Variants in RARB observed in about 807,000 individuals in gnomAD.
RARB encodes retinoic acid receptor beta.
Under a neutral mutation model 51.9 loss-of-function variants are expected in RARB, and 17 were observed. The ratio of observed to expected loss-of-function variants is 0.33; its 90% CI spans 0.22 to 0.49. The LOEUF is 0.49. Among genes scored for constraint, RARB ranks in the 20% least tolerant of loss-of-function variants. RARB has a pLI of 0.99. For synonymous variants in RARB, 215 were observed against 195.4 expected (o/e 1.10, Z -0.84); for missense variants, 369 against 550.8 (o/e 0.67, Z 3.30).
rs547806344 is a variant in RARB, at chr3:24,973,850, G to A, written c.-379-86275G>A. On this transcript the variant is annotated intron_variant, in intron 2 of 11. Coordinates refer to the RARB transcript ENST00000383772. ...GTTTATGAGCTCTAACAGTTTTTTG[G>A]TGGAGCCTTTAGATTTTTTAAAATG... Among the ~76,000 whole-genome samples, 3 of 152,048 alleles carry A rather than the reference G, an allele frequency of 2.0e-5. No individual in the cohort carries two copies. In the South Asian group the frequency reaches 6.2e-4, roughly 32 times the overall value.
At chr3:25,021,985 C>T (rs1275768797) in intron 2 of RARB, among the ~76,000 whole-genome samples, 1 of 152,150 alleles carries the variant, frequency 6.6e-6, no homozygotes, top group African/African-American at 2.4e-5. Context: ...TTCCCAATTA[C>T]ATGGAGCTTG....
chr3:25,115,484 A>AG (rs1699669983), intron 3 of RARB, among the ~76,000 whole-genome samples: 1 of 152,168 alleles, frequency 6.6e-6, no homozygotes, highest in African/African-American at 2.4e-5. Context: ...ACCTATGTGA[A>AG]GAAGTAGTCA....
At chr3:25,208,779 G>C (rs1701622546) in intron 5 of RARB, among the ~76,000 whole-genome samples, 2 of 152,126 alleles carry the variant, frequency 1.3e-5, no homozygotes, top group South Asian at 4.1e-4. Context: ...CAAGTTCCCA[G>C]CTGCTGAGCT....
At chr3:25,326,416 A>G (rs1327949883) in intron 5 of RARB, among the ~76,000 whole-genome samples, 1 of 152,258 alleles carries the variant, frequency 6.6e-6, no homozygotes, top group Admixed American at 6.5e-5. Flanking sequence ...ACCTCTGGAA[A>G]GACAAGATGT....
At chr3:25,167,414 A>C (rs1212335922) in intron 4 of RARB, among the ~76,000 whole-genome samples, 2 of 152,208 alleles carry the variant, frequency 1.3e-5, no homozygotes, top group Non-Finnish European at 2.9e-5. Context: ...TGGACAGCAA[A>C]TGTGCAGTGT....
At chr3:25,259,370 G>A (rs1307688516) in intron 5 of RARB, among the ~76,000 whole-genome samples, 1 of 152,054 alleles carries the variant, frequency 6.6e-6, no homozygotes, top group South Asian at 2.1e-4. Context: ...ATGTACTTTT[G>A]TAAATGTAAA....
chr3:25,004,570 A>G (rs1164784650), intron 2 of RARB, among the ~76,000 whole-genome samples: 3 of 152,058 alleles, frequency 2.0e-5, no homozygotes, highest in Non-Finnish European at 4.4e-5. Context: ...TCATGGCCTA[A>G]TCACCTCTTA....
At chr3:25,148,871 G>T (rs1232947032) in intron 4 of RARB, among the ~76,000 whole-genome samples, 1 of 152,120 alleles carries the variant, frequency 6.6e-6, no homozygotes, top group Non-Finnish European at 1.5e-5. Context: ...CCCTGAAAAA[G>T]GTTGTGCATG....
chr3:25,346,641 C>G (rs895442557), intron 5 of RARB, among the ~76,000 whole-genome samples: 12 of 152,152 alleles, frequency 7.9e-5, no homozygotes. Flanking sequence ...TTGTCTCTCA[C>G]CAATTAATCA....
intron 5 of RARB, among the ~76,000 whole-genome samples, chr3:25,293,971 G>A (rs1390779959): frequency 6.6e-6 from 1 of 152,144 alleles, no homozygotes; most frequent in East Asian, 1.9e-4. Flanking sequence ...TAAGGGCTTT[G>A]TTACTTTGAA....
At chr3:24,872,396 A>G (rs541058000) in intron 2 of RARB, among the ~76,000 whole-genome samples, 1 of 152,108 alleles carries the variant, frequency 6.6e-6, no homozygotes. Flanking sequence ...CTTCTCTATT[A>G]TTCCATTTTA....
rs564886803 is a variant in RARB at position 25,258,611 on chromosome 3, T to G, written c.178+84036T>G. 5.3e-5 allele frequency among the ~76,000 whole-genome samples: 8 copies of G among 152,200 alleles called. No individual in the cohort carries two copies. The East Asian group carries it at 1.5e-3, about 29-fold the overall frequency. On this transcript the variant is annotated intron_variant, in intron 5 of 11. Coordinates refer to the RARB transcript ENST00000383772. Reference sequence around the variant, plus strand: ...GTTGTCATGGTGTCTTGGTCTGTTTTCTGTTGCTGTAATAAAATACTTAAG... The same window carrying G: ...GTTGTCATGGTGTCTTGGTCTGTTTGCTGTTGCTGTAATAAAATACTTAAG...
intron 5 of RARB, among the ~76,000 whole-genome samples, chr3:25,408,439 T>C (rs1707473003): frequency 6.6e-6 from 1 of 152,054 alleles, no homozygotes; most frequent in Non-Finnish European, 1.5e-5. Context: ...CTCTCAGATC[T>C]CATGAGAACT....
intron 5 of RARB, among the ~76,000 whole-genome samples, chr3:25,177,156 T>C (rs558174266): frequency 1.3e-5 from 2 of 152,302 alleles, no homozygotes; most frequent in African/African-American, 4.8e-5. Flanking sequence ...GCTGCTCAGA[T>C]GGAAATGATT....
chr3:25,276,389 G>A (rs1334986151), intron 5 of RARB, among the ~76,000 whole-genome samples: 1 of 152,066 alleles, frequency 6.6e-6, no homozygotes, highest in Non-Finnish European at 1.5e-5. Context: ...CTGTGTTGAA[G>A]CATCACACGA....
intron 2 of RARB, among the ~76,000 whole-genome samples, chr3:24,912,888 G>A (rs1471837917): frequency 6.6e-6 from 1 of 150,604 alleles, no homozygotes; most frequent in Non-Finnish European, 1.5e-5. Context: ...TGAAAGACAG[G>A]AAAATTATCC....
rs553099160 is a variant in RARB, at chr3:25,335,482, G to A, written c.179-125711G>A. ...CCGGCATGTTGGCATGTATTTTATT[G>A]GCTTCTGTCTCCTGCCTTGTGCATA... is the stretch of plus-strand genomic sequence containing the variant. On this transcript the variant is annotated intron_variant, in intron 5 of 11. Transcript: ENST00000383772. Among the ~76,000 whole-genome samples the A allele has an allele frequency of 5.9e-5, 9 of 152,244 alleles. No homozygotes were observed. In the South Asian group the frequency reaches 1.2e-3, roughly 21 times the overall value.
At chr3:25,356,218 A>C (rs1015745630) in intron 5 of RARB, among the ~76,000 whole-genome samples, 1 of 152,130 alleles carries the variant, frequency 6.6e-6, no homozygotes, top group Non-Finnish European at 1.5e-5. Context: ...CTTCTAGCCT[A>C]GTTTCTTCCT....
rs903357377 is a variant in RARB at position 25,403,509 on chromosome 3, T to G, written c.179-57684T>G. On this transcript the variant is annotated intron_variant, in intron 5 of 11. Coordinates refer to the RARB transcript ENST00000383772. ...AATTTATGTTACTTAGGCTAGAGAA[T>G]GAAGCACTAGTGTTAAATCTGACCT... Among the ~76,000 whole-genome samples the G allele has an allele frequency of 4.6e-5, 7 of 152,340 alleles. No homozygotes were observed. In the South Asian group the frequency reaches 1.4e-3, roughly 32 times the overall value.
Sources: gnomAD v4.1 joint callset for allele counts (sites outside exome capture counted in the v4.1 genomes callset) on GRCh38, gnomAD v4.1.1 for gene constraint, MANE v1.5 for transcripts, NCBI Gene and HGNC (gene_info 2026-07-23, HGNC 2026-07-21) for gene names.